The following RNF150 variants were observed in gnomAD, a reference collection of about 807,000 sequenced individuals.
RNF150 encodes ring finger protein 150.
A neutral mutation model predicts 39.3 loss-of-function variants in RNF150; 24 were observed. The observed-to-expected ratio is 0.61, with a 90% CI of 0.44 to 0.86. The LOEUF (loss-of-function observed/expected upper bound fraction) is 0.86. Among genes scored for constraint, RNF150 ranks in the 40% least tolerant of loss-of-function variants. RNF150 has a pLI of 0.00. For synonymous variants in RNF150, 255 were observed against 227.3 expected, an observed-to-expected ratio of 1.12 and a Z score of -1.10; for missense variants, 502 against 587.8, an observed-to-expected ratio of 0.85 and a Z score of 1.51.
At chr4:140,926,128 C>T (rs1731391556) in intron 4 of RNF150, 55 bp from the exon 5 acceptor site, 3 of 1,221,038 alleles carry the variant, frequency 2.5e-6, no homozygotes, top group South Asian at 2.5e-5. Flanking sequence ...AATACCTGGT[C>T]CACCATGGCC....
intron 1 of RNF150, among the ~76,000 whole-genome samples, chr4:140,969,969 G>A (rs1197025364): frequency 1.3e-5 from 2 of 151,888 alleles, no homozygotes; most frequent in Non-Finnish European, 2.9e-5. Flanking sequence ...TCGCCATATT[G>A]GCCAGGCTCG....
intron 1 of RNF150, among the ~76,000 whole-genome samples, chr4:141,112,071 A>T (rs1467333998): frequency 1.3e-5 from 2 of 152,176 alleles, no homozygotes; most frequent in African/African-American, 4.8e-5. Context: ...TTCTCTGAGA[A>T]CATCATCATT....
In RNF150 at chr4:141,000,091, AGAAGAAGAAGAAGAAGAGGAG is replaced by A. The variant is rs1560679649; in HGVS notation, c.485-32239_485-32219del. Among the ~76,000 whole-genome samples, 4 of 116,978 alleles carry A rather than the reference AGAAGAAGAAGAAGAAGAGGAG, an allele frequency of 3.4e-5. 1 individual carries two copies. Among genetic ancestry groups the A allele is most frequent in the Admixed American group, 1.9e-4 (2 of 10,470 alleles). The allele number at this position is 116,978 out of a possible 152,430, so 76.7% of individuals were successfully genotyped here. ...AAGAAGAAGAAGAAGAAGAAGGAGA[AGAAGAAGAAGAAGAAGAGGAG>A]GAAGAAGAAGAAGAAGAAAACATTT... On this transcript the variant is annotated intron_variant, in intron 1 of 6. Transcript: ENST00000515673.
chr4:141,172,679 A>G (rs1179675467), intron 1 of RNF150, among the ~76,000 whole-genome samples: 1 of 152,106 alleles, frequency 6.6e-6, no homozygotes, highest in Non-Finnish European at 1.5e-5. Flanking sequence ...GCCTTAAATA[A>G]CAACACTCAC....
At chr4:141,160,916 A>G (rs561492993) in intron 1 of RNF150, among the ~76,000 whole-genome samples, 2 of 152,358 alleles carry the variant, frequency 1.3e-5, no homozygotes, top group South Asian at 2.1e-4. Context: ...AGTCTCAGGT[A>G]TTTCTTTATA....
intron 2 of RNF150, among the ~76,000 whole-genome samples, chr4:140,952,117 C>A (rs1373114462): frequency 6.6e-6 from 1 of 151,954 alleles, no homozygotes; most frequent in Non-Finnish European, 1.5e-5. Flanking sequence ...TCAAGTGATT[C>A]CCCTTGCCTC....
At chr4:140,949,504 C>T (rs1383071748) in intron 2 of RNF150, 132 bp from the exon 3 acceptor site, 2 of 703,998 alleles carry the variant, frequency 2.8e-6, no homozygotes, top group Non-Finnish European at 4.8e-6. Flanking sequence ...GCAATGACGA[C>T]TAGAAAAGAC....
intron 1 of RNF150, among the ~76,000 whole-genome samples, chr4:141,027,488 A>G (rs1026840862): frequency 6.6e-6 from 1 of 152,194 alleles, no homozygotes; most frequent in Non-Finnish European, 1.5e-5. Context: ...TCACCTCTGT[A>G]GCAGGTACTT....
intron 1 of RNF150, among the ~76,000 whole-genome samples, chr4:140,998,249 T>C (rs1367816642): frequency 1.3e-5 from 2 of 152,172 alleles, no homozygotes; most frequent in African/African-American, 4.8e-5. Flanking sequence ...AAACACTCAA[T>C]GTCACTGTAC....
intron 1 of RNF150, among the ~76,000 whole-genome samples, chr4:141,027,069 T>C (rs1298452238): frequency 2.0e-5 from 3 of 152,146 alleles, no homozygotes; most frequent in African/African-American, 7.2e-5. Flanking sequence ...CTTCTCCCAG[T>C]TAAATACAGG....
chr4:141,018,975 C>T (rs1735380120), intron 1 of RNF150, among the ~76,000 whole-genome samples: 1 of 149,360 alleles, frequency 6.7e-6, no homozygotes, highest in African/African-American at 2.5e-5. Context: ...GTTTATTCTT[C>T]TCCTATTAAT....
chr4:140,896,893 T>G (rs2111240644), intron 6 of RNF150, among the ~76,000 whole-genome samples: 1 of 152,238 alleles, frequency 6.6e-6, no homozygotes, highest in South Asian at 2.1e-4. Context: ...ATTATTATAA[T>G]AATCAAAAGG....
intron 1 of RNF150, among the ~76,000 whole-genome samples, chr4:140,984,838 T>C (rs150844726): frequency 5.9e-5 from 9 of 152,260 alleles, no homozygotes; most frequent in Non-Finnish European, 1.3e-4. Context: ...AGTGAAACTC[T>C]GCTGCACATT....
At chr4:140,919,192 T>C (rs370534538) in intron 5 of RNF150, among the ~76,000 whole-genome samples, 1,953 of 138,246 alleles carry the variant, frequency 0.014, 31 homozygotes, top group African/African-American at 0.028. Context: ...CCAGGGCAAT[T>C]AGGCAGGAGA....
At chr4:140,952,051 C>A (rs1345796341) in intron 2 of RNF150, among the ~76,000 whole-genome samples, 1 of 151,994 alleles carries the variant, frequency 6.6e-6, no homozygotes, top group African/African-American at 2.4e-5. Context: ...TACTGTCTAC[C>A]CAGGCTGGAG....
At chr4:141,029,607 A>T (rs1162263914) in intron 1 of RNF150, among the ~76,000 whole-genome samples, 2 of 152,200 alleles carry the variant, frequency 1.3e-5, no homozygotes, top group Non-Finnish European at 2.9e-5. Flanking sequence ...CTGGACCTCA[A>T]AGTCAATGCT....
At chr4:140,875,821 T>C (rs1311177879) in intron 6 of RNF150, among the ~76,000 whole-genome samples, 1 of 152,138 alleles carries the variant, frequency 6.6e-6, no homozygotes, top group African/African-American at 2.4e-5. Flanking sequence ...TCCTACTTAA[T>C]TGTTTCTTTA....
chr4:141,033,247 C>T (rs1578652893), intron 1 of RNF150, among the ~76,000 whole-genome samples: 1 of 152,198 alleles, frequency 6.6e-6, no homozygotes, highest in South Asian at 2.1e-4. Context: ...ACATTATCTT[C>T]ACCAGGAGCA....
chr4:140,935,868 T>C lies in RNF150; in HGVS notation c.891-9795A>G, dbSNP rs886949151. ...ATGATTTCTTAAGTGTGTGTATGTT[T>C]ACGTACATACCACCCAGATGAAGAT... On this transcript the variant is annotated intron_variant, in intron 4 of 6. Coordinates refer to ENST00000515673, the MANE Select transcript of RNF150 (RefSeq NM_020724.2). 2.6e-5 allele frequency among the ~76,000 whole-genome samples: 4 copies of C among 152,316 alleles called. 1 individual carries two copies. The South Asian group carries it at 8.3e-4, about 32-fold the overall frequency.
Sources: allele counts gnomAD v4.1 joint callset (sites outside exome capture counted in the v4.1 genomes callset), GRCh38; gene constraint gnomAD v4.1.1; transcripts MANE v1.5; gene names NCBI Gene and HGNC (gene_info 2026-07-23, HGNC 2026-07-21).